The following SFMBT2 variants were observed in gnomAD, a reference collection of about 807,000 sequenced individuals.
SFMBT2 encodes the protein scm-like with four MBT domains protein 2.
A neutral mutation model predicts 110.1 loss-of-function variants in SFMBT2; 38 were observed. The observed-to-expected ratio is 0.35, with a 90% CI of 0.27 to 0.45. The LOEUF (loss-of-function observed/expected upper bound fraction) is 0.45. Ranked by LOEUF, SFMBT2 falls within the 20% of genes least tolerant of loss-of-function variation. SFMBT2 has a pLI of 1.00. For missense variants in SFMBT2, 1,011 were observed against 1,094.9 expected, an observed-to-expected ratio of 0.92 and a Z score of 1.08; for synonymous variants, 425 against 425.4, an observed-to-expected ratio of 1.00 and a Z score of 0.01.
intron 7 of SFMBT2, among the ~76,000 whole-genome samples, chr10:7,274,670 A>G (rs1588408179): frequency 6.6e-6 from 1 of 152,126 alleles, no homozygotes; most frequent in Non-Finnish European, 1.5e-5. Flanking sequence ...AGTCTCAGGT[A>G]TGTCTTCCCT....
rs1271456749 is a variant in SFMBT2, at chr10:7,188,670, C to T, written c.1762G>A (p.Val588Ile). ...TGGAAATTCCAGTGGGGATCTTCTA[C>T]CAGCTGTAATTCTCTTAATACCCTT... is the stretch of plus-strand genomic sequence containing the variant. ...PGRVLRELQL[V>I]EDPHWNFQEE... The change falls in exon 16 of 21, where the codon GTA becomes ATA. Residue 588 changes from valine to isoleucine, a missense_variant. This residue lies in a region of SFMBT2 where 979 missense variants were observed against 1,016.1 expected (regional missense o/e 0.96). Coordinates refer to ENST00000397167, the MANE Select transcript of SFMBT2 (RefSeq NM_001387889.1). 2 of 1,613,786 alleles carry T rather than the reference C, an allele frequency of 1.2e-6. No individual in the cohort carries two copies. The highest frequency in any genetic ancestry group is 1.1e-5 in the South Asian group (1 of 90,966).
intron 1 of SFMBT2, among the ~76,000 whole-genome samples, chr10:7,390,092 T>A (rs976665118): frequency 6.6e-6 from 1 of 152,174 alleles, no homozygotes; most frequent in Non-Finnish European, 1.5e-5. Context: ...GATCTATATC[T>A]GCTTGGTCCA....
intron 11 of SFMBT2, 37 bp downstream of exon 11, chr10:7,220,374 T>C (rs375892598): frequency 6.3e-7 from 1 of 1,598,840 alleles, no homozygotes; most frequent in Non-Finnish European, 8.6e-7. Flanking sequence ...AAACTCTACA[T>C]TCCCCCCAGC....
intron 4 of SFMBT2, among the ~76,000 whole-genome samples, chr10:7,332,230 G>A (rs919176239): frequency 1.3e-5 from 2 of 152,074 alleles, no homozygotes; most frequent in Non-Finnish European, 2.9e-5. Flanking sequence ...TCTGTTTCTT[G>A]CAAGTGTTTC....
chr10:7,165,644 G>A (rs1317022218), intron 20 of SFMBT2, among the ~76,000 whole-genome samples: 1 of 152,132 alleles, frequency 6.6e-6, no homozygotes, highest in Non-Finnish European at 1.5e-5. Context: ...TAAGCAACTC[G>A]AAGCCACGTT....
intron 4 of SFMBT2, among the ~76,000 whole-genome samples, chr10:7,322,760 T>A (rs115186512): frequency 0.011 from 1,614 of 152,074 alleles, 33 homozygotes; most frequent in African/African-American, 0.037. Context: ...ATACTAGCAA[T>A]CACAGAAAAT....
intron 4 of SFMBT2, among the ~76,000 whole-genome samples, chr10:7,352,206 G>T (rs1232746803): frequency 6.6e-6 from 1 of 152,148 alleles, no homozygotes; most frequent in Non-Finnish European, 1.5e-5. Flanking sequence ...GAGAGCAGGG[G>T]CCTTTCTATT....
intron 4 of SFMBT2, among the ~76,000 whole-genome samples, chr10:7,347,390 C>T (rs1361541276): frequency 2.0e-5 from 3 of 152,142 alleles, no homozygotes; most frequent in Non-Finnish European, 4.4e-5. Flanking sequence ...TTGGGAACAG[C>T]AGTTGTAATC....
At chr10:7,265,476 C>G (rs1841356437) in intron 7 of SFMBT2, among the ~76,000 whole-genome samples, 1 of 152,162 alleles carries the variant, frequency 6.6e-6, no homozygotes, top group Non-Finnish European at 1.5e-5. Context: ...GCTGAGGTTA[C>G]AGGCATGAGC....
At chr10:7,164,193 T>C in intron 20 of SFMBT2, 1 of 877,568 alleles carries the variant, frequency 1.1e-6, no homozygotes, top group Non-Finnish European at 1.4e-6. Flanking sequence ...TTGAGACAAG[T>C]CTGGGTAACA....
intron 20 of SFMBT2, chr10:7,164,181 G>A: frequency 1.1e-6 from 1 of 921,630 alleles, no homozygotes; most frequent in Non-Finnish European, 1.3e-6. Context: ...GAGACCAGGA[G>A]TTTGAGACAA....
chr10:7,227,544 T>G (rs1839930058), intron 10 of SFMBT2, among the ~76,000 whole-genome samples: 1 of 152,186 alleles, frequency 6.6e-6, no homozygotes, highest in South Asian at 2.1e-4. Flanking sequence ...GCTGGCTAGG[T>G]TACTCACCAT....
intron 11 of SFMBT2, among the ~76,000 whole-genome samples, chr10:7,209,565 T>C (rs1839267082): frequency 6.6e-6 from 1 of 152,250 alleles, no homozygotes; most frequent in Admixed American, 6.5e-5. Flanking sequence ...CACCTCTTAA[T>C]ATACTCAGAT....
intron 1 of SFMBT2, among the ~76,000 whole-genome samples, chr10:7,402,174 A>T (rs965164452): frequency 1.3e-5 from 2 of 152,044 alleles, no homozygotes; most frequent in Admixed American, 1.3e-4. Flanking sequence ...ATAGGAAAAA[A>T]TAAAAATGAC....
intron 7 of SFMBT2, 94 bp downstream of exon 7, chr10:7,276,798 T>C: frequency 1.4e-6 from 1 of 735,554 alleles, no homozygotes; most frequent in Admixed American, 1.8e-5. Flanking sequence ...AGTGCTGGGA[T>C]TACAGGCATG....
chr10:7,258,179 C>T (rs552422674), intron 7 of SFMBT2, among the ~76,000 whole-genome samples: 5 of 152,204 alleles, frequency 3.3e-5, no homozygotes, highest in South Asian at 2.1e-4. Context: ...GCAATCCAAC[C>T]GCCTCAGCAT....
intron 20 of SFMBT2, among the ~76,000 whole-genome samples, chr10:7,167,021 A>C (rs1302328587): frequency 6.6e-6 from 1 of 152,236 alleles, no homozygotes. Flanking sequence ...AATTGTAAAG[A>C]AATGAAATAT....
In SFMBT2 at chr10:7,170,790, G is replaced by T; in HGVS notation, c.2544+138C>A. ...GCTCTCAGCAGGGGCCTTGGAGGGA[G>T]AAGGGTCTCGCACACCTGCCGAGCA... On this transcript the variant is annotated intron_variant, in intron 20 of 20. Transcript: ENST00000397167. This position sits in a 1 kb window ranked among gnomAD's most constrained non-coding sequence, Gnocchi z 4.6. 1.0e-6 allele frequency: 1 copy of T among 975,624 alleles called. No homozygotes were observed. The highest frequency in any genetic ancestry group is 1.5e-6 in the Non-Finnish European group (1 of 652,624). 60.4% of individuals were successfully genotyped at this position (975,624 alleles called of 1,614,324 possible). A position where few individuals can be genotyped will look rare whatever the true frequency, so the allele number is the denominator to read the frequency against.
chr10:7,282,642 C>A (rs116878387), intron 6 of SFMBT2, among the ~76,000 whole-genome samples: 1 of 152,162 alleles, frequency 6.6e-6, no homozygotes, highest in African/African-American at 2.4e-5. Context: ...TACCACATTA[C>A]GCGTCTCTAA....
Sources: allele counts gnomAD v4.1 joint callset (sites outside exome capture counted in the v4.1 genomes callset), GRCh38; gene constraint gnomAD v4.1.1; regional missense constraint gnomAD v4.1.1; non-coding constraint Gnocchi (gnomAD v3.1); transcripts MANE v1.5; gene names NCBI Gene and HGNC (gene_info 2026-07-23, HGNC 2026-07-21).